The following CNBD1 variants were observed in gnomAD, a reference collection of about 807,000 sequenced individuals.
CNBD1 encodes cyclic nucleotide binding domain containing 1.
In CNBD1, 71 loss-of-function variants were observed where a neutral mutation model predicts 54.4. The observed-to-expected ratio is 1.30, with a 90% CI of 1.08 to 1.59. CNBD1 has a LOEUF of 1.59. CNBD1 is among the 40% of genes most tolerant of loss of function. The pLI, the probability that CNBD1 is intolerant of heterozygous loss-of-function variation, is 0.00. For missense variants in CNBD1, 659 were observed against 518.0 expected (o/e 1.27, Z -2.64); for synonymous variants, 182 against 170.7 (o/e 1.07, Z -0.51).
At chr8:87,214,594 T>A (rs1009604315) in intron 5 of CNBD1, among the ~76,000 whole-genome samples, 1 of 152,224 alleles carries the variant, frequency 6.6e-6, no homozygotes, top group African/African-American at 2.4e-5. Context: ...ATCAATTTAC[T>A]TTATTAGTCT....
intron 4 of CNBD1, among the ~76,000 whole-genome samples, chr8:87,083,663 A>C (rs1586244517): frequency 6.7e-6 from 1 of 148,748 alleles, no homozygotes; most frequent in South Asian, 2.1e-4. Context: ...ATCTCGGCTA[A>C]GTGCAAGCTC....
intron 6 of CNBD1, among the ~76,000 whole-genome samples, chr8:87,273,858 G>T (rs375174892): frequency 1.3e-5 from 2 of 151,558 alleles, no homozygotes; most frequent in East Asian, 2.0e-4. Flanking sequence ...TGCCATGCTG[G>T]TGTGCTGCAC....
intron 4 of CNBD1, among the ~76,000 whole-genome samples, chr8:87,109,128 G>A (rs1811604483): frequency 6.6e-6 from 1 of 151,938 alleles, no homozygotes; most frequent in African/African-American, 2.4e-5. Flanking sequence ...ATATCAAAGA[G>A]GTTAAGATGA....
intron 6 of CNBD1, among the ~76,000 whole-genome samples, chr8:87,259,592 G>A (rs1808093670): frequency 6.6e-6 from 1 of 152,092 alleles, no homozygotes; most frequent in African/African-American, 2.4e-5. Flanking sequence ...CAATTAATTA[G>A]CACTTTTTTA....
chr8:87,407,901 A>G (rs2130982374), intron 2 of CNBD1, among the ~76,000 whole-genome samples: 1 of 152,144 alleles, frequency 6.6e-6, no homozygotes, highest in East Asian at 1.9e-4. Flanking sequence ...TAGATTGAGC[A>G]AAATCCTCTC....
At chr8:86,951,982 C>G (rs1213327363) in intron 4 of CNBD1, among the ~76,000 whole-genome samples, 1 of 152,104 alleles carries the variant, frequency 6.6e-6, no homozygotes, top group Non-Finnish European at 1.5e-5. Flanking sequence ...AAAGGACAAA[C>G]AGAACTCAGC....
At chr8:87,345,089 A>G (rs1016015115) in intron 8 of CNBD1, among the ~76,000 whole-genome samples, 6 of 152,218 alleles carry the variant, frequency 3.9e-5, no homozygotes, top group Non-Finnish European at 7.4e-5. Context: ...GCTCTAACAA[A>G]CTCTGTGACA....
chr8:87,057,603 C>T (rs965686006), intron 4 of CNBD1, among the ~76,000 whole-genome samples: 1 of 152,320 alleles, frequency 6.6e-6, no homozygotes. Flanking sequence ...AATCCCAACA[C>T]TTTGGGAGGG....
rs182630898 is a variant in CNBD1, at chr8:87,297,267, G to A, written c.1042+10596G>A. Among the ~76,000 whole-genome samples the A allele has an allele frequency of 9.0e-4, 134 of 149,430 alleles. 1 individual carries two copies. The highest frequency in any genetic ancestry group is 3.1e-3 in the African/African-American group (124 of 40,418). ...TGACCAACATAAAAATTACTAATTAGACACTTTATACCTTTTTCATATTTT... is the reference window on the plus strand; with the variant it reads ...TGACCAACATAAAAATTACTAATTAAACACTTTATACCTTTTTCATATTTT... On this transcript the variant is annotated intron_variant, in intron 8 of 10. Transcript: ENST00000518476.
At chr8:87,048,818 G>A (rs142047877) in intron 4 of CNBD1, among the ~76,000 whole-genome samples, 1 of 152,188 alleles carries the variant, frequency 6.6e-6, no homozygotes, top group Non-Finnish European at 1.5e-5. Context: ...GGAGCTGCCT[G>A]TTGAGGGGAT....
chr8:87,379,670 T>C (rs559529420), intron 10 of CNBD1, among the ~76,000 whole-genome samples: 62 of 152,128 alleles, frequency 4.1e-4, no homozygotes, highest in African/African-American at 1.4e-3. Context: ...ATTAAATTAA[T>C]GATGAAACAT....
chr8:86,925,954 A>C (rs7013155), intron 3 of CNBD1, among the ~76,000 whole-genome samples: 1 of 151,782 alleles, frequency 6.6e-6, no homozygotes, highest in South Asian at 2.1e-4. Flanking sequence ...TCCACAGGGT[A>C]AAAGGAACCC....
intron 8 of CNBD1, among the ~76,000 whole-genome samples, chr8:87,321,828 G>A (rs189706180): frequency 7.0e-6 from 1 of 142,618 alleles, no homozygotes. Context: ...TATACTTTAA[G>A]TTTTAGGGTA....
intron 4 of CNBD1, among the ~76,000 whole-genome samples, chr8:86,958,709 A>G (rs1227820161): frequency 6.6e-6 from 1 of 151,878 alleles, no homozygotes; most frequent in Non-Finnish European, 1.5e-5. Flanking sequence ...CTTTATTTTC[A>G]GCCTATGTGT....
intron 5 of CNBD1, among the ~76,000 whole-genome samples, chr8:87,235,413 A>G (rs1020296978): frequency 1.3e-5 from 2 of 152,148 alleles, no homozygotes; most frequent in Middle Eastern, 3.2e-3. Flanking sequence ...TAAGAGACAC[A>G]TGACTCTTCC....
intron 8 of CNBD1, among the ~76,000 whole-genome samples, chr8:87,299,005 A>G (rs2130880515): frequency 6.6e-6 from 1 of 152,326 alleles, no homozygotes; most frequent in South Asian, 2.1e-4. Flanking sequence ...GGTAAATGTC[A>G]TGTTTGAAAT....
chr8:87,428,560 A>G (rs573971608), exon 3 of CNBD1: 74 of 453,744 alleles, frequency 1.6e-4, no homozygotes, highest in Middle Eastern at 9.8e-4. Context: ...AGACCCAGTG[A>G]CCAAGCAACT....
chr8:87,317,225 CTGTT>C (rs535838751), intron 8 of CNBD1, among the ~76,000 whole-genome samples: 305 of 151,422 alleles, frequency 2.0e-3, no homozygotes, highest in Non-Finnish European at 3.3e-3. Context: ...TTAAATTCTT[CTGTT>C]TGTTTGGGGT....
At chr8:87,244,576 T>C (rs1424721812) in intron 6 of CNBD1, among the ~76,000 whole-genome samples, 1 of 152,146 alleles carries the variant, frequency 6.6e-6, no homozygotes, top group Non-Finnish European at 1.5e-5. Context: ...AACTGTATTT[T>C]TATACCCTTT....
Sources: allele counts gnomAD v4.1 joint callset (sites outside exome capture counted in the v4.1 genomes callset), GRCh38; gene constraint gnomAD v4.1.1; transcripts MANE v1.5; gene names NCBI Gene and HGNC (gene_info 2026-07-23, HGNC 2026-07-21).